Variants in VTI1A observed in about 807,000 individuals in gnomAD.
The protein encoded by VTI1A is vesicle transport through interaction with t-SNAREs homolog 1A.
A neutral mutation model predicts 34.9 loss-of-function variants in VTI1A; 22 were observed. The ratio of observed to expected loss-of-function variants is 0.63; its 90% confidence interval spans 0.45 to 0.90. The LOEUF (loss-of-function observed/expected upper bound fraction) is 0.90, where lower values mean the gene tolerates loss of function less well. VTI1A is among the 40% of genes least tolerant of loss of function. VTI1A has a pLI of 0.00. For synonymous variants in VTI1A, 87 were observed against 97.3 expected (o/e 0.89, Z 0.62); for missense variants, 268 against 275.6 (o/e 0.97, Z 0.20).
intron 5 of VTI1A, among the ~76,000 whole-genome samples, chr10:112,566,899 G>C (rs967691282): frequency 3.3e-5 from 5 of 152,036 alleles, no homozygotes; most frequent in African/African-American, 1.2e-4. Context: ...TTATATTGTT[G>C]CTAACTTGTC....
At chr10:112,484,460 A>T (rs529583439) in intron 3 of VTI1A, among the ~76,000 whole-genome samples, 1 of 152,200 alleles carries the variant, frequency 6.6e-6, no homozygotes, top group East Asian at 1.9e-4. Flanking sequence ...TTTCATAACC[A>T]TTATTCACCT....
intron 4 of VTI1A, among the ~76,000 whole-genome samples, chr10:112,536,646 G>A (rs956351238): frequency 6.6e-6 from 1 of 151,712 alleles, no homozygotes; most frequent in African/African-American, 2.4e-5. Context: ...CTGTACATTG[G>A]ACGACTCTAT....
the VTI1A span, among the ~76,000 whole-genome samples, chr10:112,837,791 T>A: frequency 6.6e-6 from 1 of 151,744 alleles, no homozygotes; most frequent in Admixed American, 6.6e-5. Context: ...ATAGGGAGAG[T>A]CTGGGGATGT....
At chr10:112,769,767 G>C (rs926290240) in intron 7 of VTI1A, among the ~76,000 whole-genome samples, 1 of 152,170 alleles carries the variant, frequency 6.6e-6, no homozygotes, top group Non-Finnish European at 1.5e-5. Context: ...CAACACCACA[G>C]ACCTTAGAAC....
intron 3 of VTI1A, among the ~76,000 whole-genome samples, chr10:112,525,194 C>T (rs1381058110): frequency 6.6e-6 from 1 of 152,160 alleles, no homozygotes; most frequent in Non-Finnish European, 1.5e-5. Context: ...GATATCTTTA[C>T]TGACTTCATG....
chr10:112,457,613 G>C (rs1392248089), intron 1 of VTI1A, among the ~76,000 whole-genome samples: 1 of 152,152 alleles, frequency 6.6e-6, no homozygotes. Flanking sequence ...TGGGATTAAA[G>C]GATTGAAGGC....
intron 7 of VTI1A, chr10:112,737,450 A>G (rs1850527483): frequency 2.9e-5 from 30 of 1,042,640 alleles, no homozygotes; most frequent in Non-Finnish European, 3.2e-5. Flanking sequence ...AAGTTCTAAC[A>G]AAATAATAAG....
intron 7 of VTI1A, among the ~76,000 whole-genome samples, chr10:112,693,063 C>A (rs1848659991): frequency 6.6e-6 from 1 of 152,212 alleles, no homozygotes. Context: ...TGATTCCCAA[C>A]CTCTGATAAA....
the VTI1A span, among the ~76,000 whole-genome samples, chr10:112,828,105 G>T: frequency 6.6e-6 from 1 of 152,070 alleles, no homozygotes; most frequent in Non-Finnish European, 1.5e-5. Flanking sequence ...CAATTAGGTC[G>T]CCGTGGAAAA....
chr10:112,727,340 C>T (rs80294043), intron 7 of VTI1A, among the ~76,000 whole-genome samples: 5,899 of 152,104 alleles, frequency 0.039, 388 homozygotes, highest in African/African-American at 0.13. Context: ...AGTTGGTATT[C>T]AGTAAATCTT....
In VTI1A at chr10:112,668,778, T is replaced by C. The variant is rs771195474; in HGVS notation, c.499-159T>C. ...ACGTGTCATTCTCCAAATTTAAGAA[T>C]TTTCCAAGTTTGTGTAGCTGTCAGA... On this transcript the variant is annotated intron_variant, in intron 6 of 7. Coordinates refer to ENST00000393077, the MANE Select transcript of VTI1A (RefSeq NM_145206.4). Among the ~76,000 whole-genome samples the C allele has an allele frequency of 5.3e-5, 8 of 152,174 alleles. 1 individual carries two copies. The highest frequency in any genetic ancestry group is 1.0e-4 in the Non-Finnish European group (7 of 68,022).
At chr10:112,830,514 A>G in the VTI1A span, among the ~76,000 whole-genome samples, 5 of 151,240 alleles carry the variant, frequency 3.3e-5, no homozygotes, top group Admixed American at 2.6e-4. Context: ...AAGAAGGTCC[A>G]CCTGATTCTT....
chr10:112,714,761 G>A (rs1465069771), intron 7 of VTI1A, among the ~76,000 whole-genome samples: 3 of 152,228 alleles, frequency 2.0e-5, no homozygotes, highest in African/African-American at 7.2e-5. Context: ...GTATCTGGGT[G>A]TCTGGAAAAC....
the VTI1A span, among the ~76,000 whole-genome samples, chr10:112,844,559 C>A: frequency 6.6e-6 from 1 of 152,144 alleles, no homozygotes; most frequent in East Asian, 1.9e-4. Flanking sequence ...CCACCACGCC[C>A]GGCTAATTTT....
chr10:112,642,977 C>CTTTTTTTTTTTTTTTTTTT (rs58619611), intron 5 of VTI1A, among the ~76,000 whole-genome samples: 3 of 121,014 alleles, frequency 2.5e-5, no homozygotes, highest in Non-Finnish European at 4.9e-5. Flanking sequence ...TTTTTCTTTT[C>CTTTTTTTTTTTTTTTTTTT]TTTTTTTTTT....
chr10:112,679,093 G>A (rs577142791), intron 7 of VTI1A, among the ~76,000 whole-genome samples: 1 of 152,092 alleles, frequency 6.6e-6, no homozygotes, highest in Non-Finnish European at 1.5e-5. Context: ...CACCGTTAGG[G>A]CAGGAAATGG....
intron 7 of VTI1A, among the ~76,000 whole-genome samples, chr10:112,801,766 G>C (rs1852886121): frequency 6.6e-6 from 1 of 152,240 alleles, no homozygotes; most frequent in Non-Finnish European, 1.5e-5. Flanking sequence ...CATTTACCTA[G>C]AAGAGATAAA....
chr10:112,470,219 A>G (rs568190656), intron 3 of VTI1A, among the ~76,000 whole-genome samples: 2 of 152,334 alleles, frequency 1.3e-5, no homozygotes, highest in African/African-American at 2.4e-5. Context: ...AGATAATTTT[A>G]TATATCAGAG....
intron 3 of VTI1A, among the ~76,000 whole-genome samples, chr10:112,482,951 A>G (rs1443719309): frequency 6.6e-6 from 1 of 152,196 alleles, no homozygotes; most frequent in Non-Finnish European, 1.5e-5. Context: ...GGGGCTAAAC[A>G]ACTGTCACTG....
Sources: allele counts gnomAD v4.1 joint callset (sites outside exome capture counted in the v4.1 genomes callset), GRCh38; gene constraint gnomAD v4.1.1; transcripts MANE v1.5; gene names NCBI Gene and HGNC (gene_info 2026-07-23, HGNC 2026-07-21).